Variants in SLAMF7 observed in about 807,000 individuals in gnomAD.
SLAMF7 encodes 19A24 protein.
SLAMF7 carries 26 observed loss-of-function variants against 34.1 expected under a neutral mutation model. That is an observed-to-expected ratio of 0.76 (90% CI 0.56 to 1.06). SLAMF7 has a LOEUF of 1.06. Ranked by LOEUF, SLAMF7 falls within the 50% of genes least tolerant of loss-of-function variation. SLAMF7 has a pLI of 0.00. For missense variants in SLAMF7, 399 were observed against 402.5 expected (o/e 0.99, Z 0.07); for synonymous variants, 171 against 156.4 (o/e 1.09, Z -0.70).
upstream of SLAMF7, chr1:160,739,138 G>A (rs1172076582): frequency 2.9e-6 from 2 of 685,528 alleles, no homozygotes; most frequent in African/African-American, 3.5e-5. Context: ...CTGGTGGCAA[G>A]GTAAAATGCT....
In SLAMF7 at chr1:160,753,095, T is replaced by C. The variant is rs765808262; in HGVS notation, c.937-11T>C. Reference sequence around the variant, plus strand: ...CCTCCCTCACTCTACTTTCTTTTTGTCTGTCTTCAGATGGAAAATCCCCAC... The same window carrying C: ...CCTCCCTCACTCTACTTTCTTTTTGCCTGTCTTCAGATGGAAAATCCCCAC... On this transcript the variant is annotated splice_polypyrimidine_tract_variant and intron_variant, in intron 6 of 6. Coordinates refer to ENST00000368043, the MANE Select transcript of SLAMF7 (RefSeq NM_021181.5). The C allele has an allele frequency of 5.0e-6, 8 of 1,613,530 alleles. No individual in the cohort carries two copies. In the Admixed American group the frequency reaches 1.2e-4, roughly 24 times the overall value.
Position 160,750,087 on chromosome 1 carries a change from T to C in SLAMF7, c.643T>C (p.Cys215Arg). ...FSSPILARKL[C>R]EGAADDPDSS... is the part of the protein sequence containing the mutation. ...AAGCCCCATCCTTGCCAGGAAGCTC[T>C]GTGAAGGTGACTGCCTCTCCCCTCT... is the stretch of plus-strand genomic sequence containing the variant. The change falls in exon 3 of 7, where the codon TGT becomes CGT. Residue 215 changes from cysteine (C) to arginine (R), a missense_variant. Coordinates refer to ENST00000368043, the MANE Select transcript of SLAMF7 (RefSeq NM_021181.5). The C allele has an allele frequency of 6.2e-7, 1 of 1,613,658 alleles. No individual in the cohort carries two copies. The highest frequency in any genetic ancestry group is 8.5e-7 in the Non-Finnish European group (1 of 1,179,766).
At chr1:160,751,288 G>A in intron 4 of SLAMF7, 57 bp from the exon 5 acceptor site, 1 of 1,271,660 alleles carries the variant, frequency 7.9e-7, no homozygotes, top group Non-Finnish European at 1.2e-6. Flanking sequence ...TGGTGGGCCA[G>A]TGGAAGTGGT....
At chr1:160,749,544 C>T (rs1175405793) in intron 2 of SLAMF7, among the ~76,000 whole-genome samples, 1 of 152,216 alleles carries the variant, frequency 6.6e-6, no homozygotes, top group East Asian at 1.9e-4. Flanking sequence ...CAGTGCTTGC[C>T]ATGTGGCTAT....
chr1:160,750,098 C>T lies in SLAMF7; in HGVS notation c.649+5C>T. 1 of 1,613,012 alleles carries T rather than the reference C, an allele frequency of 6.2e-7. No homozygotes were observed. The highest frequency in any genetic ancestry group is 1.3e-5 in the African/African-American group (1 of 75,042). On this transcript the variant is annotated splice_donor_5th_base_variant and intron_variant, in intron 3 of 6. Coordinates refer to ENST00000368043, the MANE Select transcript of SLAMF7 (RefSeq NM_021181.5). The stretch of plus-strand genomic sequence containing the variant: ...TTGCCAGGAAGCTCTGTGAAGGTGA[C>T]TGCCTCTCCCCTCTCCACAGGAGAC...
intron 2 of SLAMF7, among the ~76,000 whole-genome samples, chr1:160,748,915 A>C (rs1284577753): frequency 6.6e-6 from 1 of 152,202 alleles, no homozygotes; most frequent in Non-Finnish European, 1.5e-5. Context: ...ACAGATTACA[A>C]CCAATTGATA....
intron 4 of SLAMF7, 157 bp from the exon 5 acceptor site, chr1:160,751,188 T>C (rs1558059707): frequency 3.2e-6 from 2 of 625,488 alleles, no homozygotes; most frequent in East Asian, 5.4e-5. Context: ...TTTTCCCAGT[T>C]TTAACACTGA....
In SLAMF7 at chr1:160,753,823, T is replaced by G. The variant is rs1468514860; in HGVS notation, c.*646T>G. 1 of 152,552 alleles carries G rather than the reference T, an allele frequency of 6.6e-6. No homozygotes were observed. The highest frequency in any genetic ancestry group is 1.5e-5 in the Non-Finnish European group (1 of 68,224). 9.4% of individuals were successfully genotyped at this position (152,552 alleles called of 1,614,324 possible). On this transcript the variant is annotated 3_prime_UTR_variant, in exon 7 of 7. Coordinates refer to ENST00000368043, the MANE Select transcript of SLAMF7 (RefSeq NM_021181.5). The stretch of plus-strand genomic sequence containing the variant: ...CCACAGATTCCCAGAGGGCCAGGTG[T>G]GGATCCACAGGACTTGAAGGTCAAA...
intron 2 of SLAMF7, among the ~76,000 whole-genome samples, chr1:160,749,164 A>G (rs545478864): frequency 4.4e-4 from 67 of 152,324 alleles, no homozygotes; most frequent in African/African-American, 1.5e-3. Flanking sequence ...CACCTGATCC[A>G]GGTGTGTCTT....
chr1:160,751,227 TA>T (rs1029168075), intron 4 of SLAMF7, 117 bp from the exon 5 acceptor site: 2 of 736,032 alleles, frequency 2.7e-6, no homozygotes, highest in Non-Finnish European at 4.8e-6. Context: ...ACCCTTCCAT[TA>T]CAAGGAAACT....
intron 1 of SLAMF7, among the ~76,000 whole-genome samples, chr1:160,746,368 C>T (rs1664133823): frequency 6.6e-6 from 1 of 152,228 alleles, no homozygotes. Flanking sequence ...GCAGTAGCAT[C>T]ATTAGAACTG....
In SLAMF7 at chr1:160,748,534, A is replaced by G. The variant is rs747803639; in HGVS notation, c.376+20A>G. The G allele has an allele frequency of 1.9e-5, 31 of 1,593,784 alleles. No individual in the cohort carries two copies. Among genetic ancestry groups the G allele is most frequent in the South Asian group, 1.2e-4 (11 of 88,910 alleles). ...TCTACGGTGAGCAAAATCAGTTCCA[A>G]TGGTGGATGGCTGCCTTGGTGAGGT... On this transcript the variant is annotated intron_variant, in intron 2 of 6. Coordinates refer to ENST00000368043, the MANE Select transcript of SLAMF7 (RefSeq NM_021181.5).
intron 5 of SLAMF7, 169 bp from the exon 6 acceptor site, chr1:160,752,017 A>G (rs1664672944): frequency 5.4e-6 from 3 of 551,116 alleles, no homozygotes; most frequent in Middle Eastern, 2.7e-4. Context: ...GCAGTCACCA[A>G]CAAGAGAACT....
intron 1 of SLAMF7, among the ~76,000 whole-genome samples, chr1:160,745,526 G>A (rs1664055086): frequency 1.3e-5 from 2 of 152,186 alleles, no homozygotes; most frequent in Admixed American, 1.3e-4. Context: ...GTTATTTGTT[G>A]TTGTCGTTGT....
intron 1 of SLAMF7, among the ~76,000 whole-genome samples, chr1:160,741,267 A>C (rs1276826683): frequency 1.3e-5 from 2 of 152,246 alleles, no homozygotes; most frequent in African/African-American, 4.8e-5. Context: ...AATCAATAAA[A>C]AGAAAACAAA....
At chr1:160,750,122 A>T (rs933506305) in intron 3 of SLAMF7, 29 bp downstream of exon 3, 1 of 1,606,754 alleles carries the variant, frequency 6.2e-7, no homozygotes, top group Admixed American at 1.7e-5. Flanking sequence ...TCCACAGGAG[A>T]CTCTGCCCAG....
Position 160,753,162 on chromosome 1 carries a change from T to C in SLAMF7, c.993T>C (p.Tyr331=). ...CAGACACACCAAGGCTATTTGCCTA[T>C]GAGAATGTTATCTAGACAGCAGTGC... ...TMPDTPRLFA[Y]ENVI The change falls in exon 7 of 7, where the codon TAT becomes TAC. Residue 331 remains tyrosine, a synonymous_variant. Transcript: ENST00000368043. 6.2e-7 allele frequency: 1 copy of C among 1,613,016 alleles called. No homozygotes were observed. Among genetic ancestry groups the C allele is most frequent in the East Asian group, 2.2e-5 (1 of 44,864 alleles).
chr1:160,753,430 C>A lies in SLAMF7; in HGVS notation c.*253C>A. The A allele has an allele frequency of 2.0e-6, 1 of 505,648 alleles. No homozygotes were observed. Among genetic ancestry groups the A allele is most frequent in the Non-Finnish European group, 3.5e-6 (1 of 284,004 alleles). 31.3% of individuals were successfully genotyped at this position (505,648 alleles called of 1,614,324 possible). A position where few individuals can be genotyped will look rare whatever the true frequency, so the allele number is the denominator to read the frequency against. On this transcript the variant is annotated 3_prime_UTR_variant, in exon 7 of 7. Coordinates refer to ENST00000368043, the MANE Select transcript of SLAMF7 (RefSeq NM_021181.5). ...CCAAAAATGGGATTGTGAATGTCAG[C>A]AAACCATAAAAAAAGTGCTTAGAAG...
chr1:160,744,593 G>A (rs191098864), intron 1 of SLAMF7, among the ~76,000 whole-genome samples: 228 of 152,284 alleles, frequency 1.5e-3, no homozygotes, highest in Admixed American at 5.3e-3. Context: ...GTGTGGAAGC[G>A]TGAAAAGAGT....
Sources: allele counts gnomAD v4.1 joint callset (sites outside exome capture counted in the v4.1 genomes callset), GRCh38; gene constraint gnomAD v4.1.1; transcripts MANE v1.5; gene names NCBI Gene and HGNC (gene_info 2026-07-23, HGNC 2026-07-21).